Variants in PCBP3 observed in about 807,000 individuals in gnomAD.
PCBP3 encodes the protein poly(rC)-binding protein 3.
A neutral mutation model predicts 52.7 loss-of-function variants in PCBP3; 25 were observed. The observed-to-expected ratio is 0.47, with a 90% CI of 0.35 to 0.66. PCBP3 has a LOEUF of 0.66. Ranked by LOEUF, PCBP3 falls within the 30% of genes least tolerant of loss-of-function variation. PCBP3 has a pLI of 0.01. For synonymous variants in PCBP3, 162 were observed against 183.0 expected, an observed-to-expected ratio of 0.89 and a Z score of 0.93; for missense variants, 391 against 490.3, an observed-to-expected ratio of 0.80 and a Z score of 1.91.
intron 4 of PCBP3, among the ~76,000 whole-genome samples, chr21:45,811,885 CCTT>C (rs539086581): frequency 3.4e-4 from 52 of 152,148 alleles, no homozygotes; most frequent in African/African-American, 1.1e-3. Flanking sequence ...GTTTATTCTT[CCTT>C]CTTCTTATAT....
At chr21:45,709,200 C>G (rs1403990711) in intron 2 of PCBP3, among the ~76,000 whole-genome samples, 1 of 152,210 alleles carries the variant, frequency 6.6e-6, no homozygotes, top group Non-Finnish European at 1.5e-5. Context: ...TCCAAAATTG[C>G]TAGCCTGTCT....
chr21:45,788,975 G>C lies in PCBP3; in HGVS notation c.-126+33523G>C, dbSNP rs1264186732. Among the ~76,000 whole-genome samples, 5 of 152,198 alleles carry C rather than the reference G, an allele frequency of 3.3e-5. No individual in the cohort carries two copies. The highest frequency in any genetic ancestry group is 1.2e-4 in the African/African-American group (5 of 41,462). ...ATTGAATTGCTGTCCAGATCCAACA[G>C]ACTTATTCAGCCAACAGTAACCAAA... On this transcript the variant is annotated intron_variant, in intron 4 of 17. Transcript: ENST00000681687. The surrounding 1 kb of genome is among the most constrained non-coding windows in gnomAD (Gnocchi z 4.3).
chr21:45,844,208 G>T (rs190631939), intron 4 of PCBP3, among the ~76,000 whole-genome samples: 1 of 152,054 alleles, frequency 6.6e-6, no homozygotes, highest in African/African-American at 2.4e-5. Context: ...CCTTTGAGCC[G>T]GACGATTGAC....
intron 2 of PCBP3, among the ~76,000 whole-genome samples, chr21:45,692,225 T>A (rs1335291527): frequency 6.6e-6 from 1 of 151,992 alleles, no homozygotes; most frequent in African/African-American, 2.4e-5. Context: ...GACCTTAGGT[T>A]GTAACTCAAA....
chr21:45,740,884 A>T (rs539341763), intron 3 of PCBP3, among the ~76,000 whole-genome samples: 1 of 152,174 alleles, frequency 6.6e-6, no homozygotes, highest in Non-Finnish European at 1.5e-5. Context: ...GCAGCTGAAC[A>T]TGGGGAGGCA....
intron 15 of PCBP3, among the ~76,000 whole-genome samples, chr21:45,933,242 T>C (rs1464489139): frequency 2.8e-5 from 4 of 142,814 alleles, no homozygotes; most frequent in East Asian, 2.2e-4. Context: ...CCATGCTGTC[T>C]TGAGATGAAT....
intron 10 of PCBP3, among the ~76,000 whole-genome samples, chr21:45,910,238 CTTT>C (rs1225017456): frequency 1.6e-5 from 2 of 123,708 alleles, no homozygotes; most frequent in African/African-American, 5.9e-5. Context: ...AATATGGGCC[CTTT>C]CCACCCACTG....
At chr21:45,719,252 G>C (rs899378371) in intron 2 of PCBP3, among the ~76,000 whole-genome samples, 11 of 152,124 alleles carry the variant, frequency 7.2e-5, no homozygotes, top group Admixed American at 7.2e-4. Flanking sequence ...CAGTGGATGC[G>C]AGTGACTTGG....
At chr21:45,753,082 G>A (rs189654822) in intron 3 of PCBP3, 1 of 113,440 alleles carries the variant, frequency 8.8e-6, no homozygotes, top group East Asian at 3.0e-4. Context: ...AATTATGATT[G>A]TACCACTGCA....
chr21:45,727,955 T>C (rs1703144553), intron 2 of PCBP3, among the ~76,000 whole-genome samples: 1 of 152,230 alleles, frequency 6.6e-6, no homozygotes, highest in African/African-American at 2.4e-5. Context: ...ACTAGCTTTA[T>C]AATAAATCTT....
intron 2 of PCBP3, among the ~76,000 whole-genome samples, chr21:45,683,727 C>T (rs2081987591): frequency 6.6e-6 from 1 of 151,936 alleles, no homozygotes; most frequent in Non-Finnish European, 1.5e-5. Context: ...GAGATCGAGA[C>T]CATCCTGGCT....
At chr21:45,677,055 G>A (rs73232717) in intron 2 of PCBP3, among the ~76,000 whole-genome samples, 41 of 152,214 alleles carry the variant, frequency 2.7e-4, no homozygotes, top group African/African-American at 8.7e-4. Flanking sequence ...TAGCCACTGC[G>A]CCTGGCCACG....
intron 12 of PCBP3, chr21:45,915,557 G>A (rs1043287635): frequency 3.9e-5 from 6 of 152,198 alleles, no homozygotes; most frequent in South Asian, 2.1e-4. Flanking sequence ...CAGGGAAGAG[G>A]GGGTGCAGCT....
chr21:45,941,696 G>T lies in PCBP3; in HGVS notation c.1106G>T (p.Gly369Val). ...CTGACGTCCGAGGTCACCGGGATGGGCACGCTGTAATCCTACCCAGCACCC... is the reference window on the plus strand; with the variant it reads ...CTGACGTCCGAGGTCACCGGGATGGTCACGCTGTAATCCTACCCAGCACCC... The part of the protein sequence containing the change: ...ARLTSEVTGM[G>V]TL The change falls in exon 18 of 18, where the codon GGC becomes GTC. Residue 369 changes from glycine (G) to valine (V), a missense_variant. Coordinates refer to ENST00000681687, the MANE Select transcript of PCBP3 (RefSeq NM_001384156.1). 2 of 1,605,664 alleles carry T rather than the reference G, an allele frequency of 1.2e-6. No individual in the cohort carries two copies. Among genetic ancestry groups the T allele is most frequent in the Non-Finnish European group, 8.5e-7 (1 of 1,176,112 alleles).
intron 2 of PCBP3, among the ~76,000 whole-genome samples, chr21:45,696,868 G>C (rs1343511675): frequency 1.3e-5 from 2 of 151,862 alleles, no homozygotes; most frequent in Non-Finnish European, 2.9e-5. Flanking sequence ...ACATTGAAAT[G>C]TCCAGTAACT....
At chr21:45,888,516 C>G (rs183338584) in intron 5 of PCBP3, among the ~76,000 whole-genome samples, 1 of 152,340 alleles carries the variant, frequency 6.6e-6, no homozygotes, top group Admixed American at 6.5e-5. Flanking sequence ...GCCGGGGCCA[C>G]CCACACGCCA....
chr21:45,897,259 C>G (rs2149034258), intron 6 of PCBP3, among the ~76,000 whole-genome samples: 1 of 152,330 alleles, frequency 6.6e-6, no homozygotes. Context: ...GGATGCGTTC[C>G]CACCACTGGC....
At chr21:45,700,279 A>G (rs559821235) in intron 2 of PCBP3, among the ~76,000 whole-genome samples, 39 of 152,358 alleles carry the variant, frequency 2.6e-4, no homozygotes, top group African/African-American at 9.4e-4. Context: ...TAGAAAGACA[A>G]TCATATTTAA....
chr21:45,841,192 G>A (rs1031730232), intron 4 of PCBP3, among the ~76,000 whole-genome samples: 9 of 152,196 alleles, frequency 5.9e-5, no homozygotes, highest in Non-Finnish European at 1.3e-4. Context: ...CGTCATTAAC[G>A]CAGGACTGTG....
Sources: allele counts gnomAD v4.1 joint callset (sites outside exome capture counted in the v4.1 genomes callset), GRCh38; gene constraint gnomAD v4.1.1; non-coding constraint Gnocchi (gnomAD v3.1); transcripts MANE v1.5; gene names NCBI Gene and HGNC (gene_info 2026-07-23, HGNC 2026-07-21).